Variants in CADPS observed in about 807,000 individuals in gnomAD.
The protein encoded by CADPS is calcium-dependent secretion activator 1.
Under a neutral mutation model 167.3 loss-of-function variants are expected in CADPS, and 57 were observed. The observed-to-expected ratio is 0.34, with a 90% confidence interval of 0.28 to 0.42. CADPS has a LOEUF of 0.42. CADPS is among the 20% of genes least tolerant of loss of function. CADPS has a pLI of 1.00. For missense variants in CADPS, 1,414 were observed against 1,738.1 expected (o/e 0.81, Z 3.32); for synonymous variants, 676 against 635.3 (o/e 1.06, Z -0.96).
In CADPS at chr3:62,421,848, G is replaced by A. The variant is rs573683877; in HGVS notation, c.3777+16256C>T. Reference sequence around the variant, plus strand: ...TTTGTGCTGGACTGTTAGGCTGCATGTCTCAAGTTATAAAAAGAAAAGCCG... The same window carrying A: ...TTTGTGCTGGACTGTTAGGCTGCATATCTCAAGTTATAAAAAGAAAAGCCG... On this transcript the variant is annotated intron_variant, in intron 28 of 29. Coordinates refer to ENST00000383710, the MANE Select transcript of CADPS (RefSeq NM_003716.4). This position sits in a 1 kb window ranked among gnomAD's most constrained non-coding sequence, Gnocchi z 4.7. Among the ~76,000 whole-genome samples the A allele has an allele frequency of 2.6e-5, 4 of 152,188 alleles. No homozygotes were observed. The highest frequency in any genetic ancestry group is 1.5e-5 in the Non-Finnish European group (1 of 68,040).
chr3:62,437,681 A>C (rs1222368364), intron 28 of CADPS, among the ~76,000 whole-genome samples: 1 of 152,206 alleles, frequency 6.6e-6, no homozygotes, highest in African/African-American at 2.4e-5. Flanking sequence ...GCACATCTGC[A>C]CACCACAGCT....
chr3:62,532,240 A>G (rs1296193694), intron 13 of CADPS, among the ~76,000 whole-genome samples: 15 of 152,118 alleles, frequency 9.9e-5, no homozygotes, highest in Non-Finnish European at 1.5e-5. Context: ...CCATCTTGCC[A>G]TTCCATCTGA....
chr3:62,730,861 T>A (rs893862294), intron 3 of CADPS, among the ~76,000 whole-genome samples: 1 of 152,234 alleles, frequency 6.6e-6, no homozygotes, highest in Non-Finnish European at 1.5e-5. Flanking sequence ...GAATTTGGCA[T>A]ATGTATGAGA....
At chr3:62,858,600 C>CA (rs1425302947) in intron 1 of CADPS, among the ~76,000 whole-genome samples, 6 of 152,010 alleles carry the variant, frequency 3.9e-5, no homozygotes, top group Non-Finnish European at 7.4e-5. Flanking sequence ...ATTAGGTAAC[C>CA]AATTGTGTCT....
intron 7 of CADPS, among the ~76,000 whole-genome samples, chr3:62,591,386 T>G (rs1194761107): frequency 1.3e-5 from 2 of 152,184 alleles, no homozygotes; most frequent in African/African-American, 2.4e-5. Flanking sequence ...GAAAGGACTC[T>G]CCAAGGAGGT....
At chr3:62,812,616 T>C (rs1356223966) in intron 1 of CADPS, among the ~76,000 whole-genome samples, 1 of 152,172 alleles carries the variant, frequency 6.6e-6, no homozygotes, top group Non-Finnish European at 1.5e-5. Context: ...TCAGGCAACA[T>C]GTGCTGTCTA....
At chr3:62,632,260 G>A (rs927228016) in intron 6 of CADPS, among the ~76,000 whole-genome samples, 1 of 152,018 alleles carries the variant, frequency 6.6e-6, no homozygotes, top group African/African-American at 2.4e-5. Flanking sequence ...CTGGATATAG[G>A]GATCATGAGT....
At chr3:62,442,241 C>T (rs1230554924) in intron 27 of CADPS, among the ~76,000 whole-genome samples, 5 of 132,678 alleles carry the variant, frequency 3.8e-5, no homozygotes, top group South Asian at 2.3e-4. Context: ...GATGGAGTTT[C>T]GCTCTTGTTG....
intron 28 of CADPS, among the ~76,000 whole-genome samples, chr3:62,423,754 A>G (rs1560183130): frequency 6.6e-6 from 1 of 152,212 alleles, no homozygotes; most frequent in Non-Finnish European, 1.5e-5. Context: ...CATAGTGCCC[A>G]GTGAATATTG....
chr3:62,852,167 T>C (rs1053501539), intron 1 of CADPS, among the ~76,000 whole-genome samples: 21 of 150,278 alleles, frequency 1.4e-4, no homozygotes, highest in Non-Finnish European at 2.7e-4. Context: ...ATTCTAGTTA[T>C]ACATTCTTCT....
At chr3:62,730,361 A>C (rs1414977592) in intron 3 of CADPS, among the ~76,000 whole-genome samples, 1 of 152,164 alleles carries the variant, frequency 6.6e-6, no homozygotes. Context: ...GCTGCCAAAC[A>C]TCCTACAATG....
intron 1 of CADPS, among the ~76,000 whole-genome samples, chr3:62,822,553 C>T (rs1331978073): frequency 6.6e-6 from 1 of 152,006 alleles, no homozygotes; most frequent in African/African-American, 2.4e-5. Flanking sequence ...CATTAAGAGA[C>T]AAGGTCAGCC....
chr3:62,541,811 A>G (rs997285437), intron 11 of CADPS, among the ~76,000 whole-genome samples: 1 of 152,046 alleles, frequency 6.6e-6, no homozygotes, highest in Non-Finnish European at 1.5e-5. Context: ...CTCCCTCACA[A>G]ATGAAAACCA....
chr3:62,816,890 G>A (rs896903918), intron 1 of CADPS, among the ~76,000 whole-genome samples: 1 of 152,140 alleles, frequency 6.6e-6, no homozygotes, highest in African/African-American at 2.4e-5. Flanking sequence ...AAGCTACGCT[G>A]AAGCCCAGGT....
In CADPS at chr3:62,458,023, ATACC is replaced by A. The variant is rs2058903946; in HGVS notation, c.3636+7340_3636+7343del. Among the ~76,000 whole-genome samples, 1 of 152,220 alleles carries A rather than the reference ATACC, an allele frequency of 6.6e-6. No individual in the cohort carries two copies. ...TGCAGCAAACCACCATGGCACATGT[ATACC>A]TATGTAACAAACCCGCACATTCTGC... On this transcript the variant is annotated intron_variant, in intron 26 of 29. Coordinates refer to ENST00000383710, the MANE Select transcript of CADPS (RefSeq NM_003716.4). This position sits in a 1 kb window ranked among gnomAD's most constrained non-coding sequence, Gnocchi z 4.6.
At chr3:62,448,067 T>G (rs1241672215) in intron 26 of CADPS, among the ~76,000 whole-genome samples, 3 of 152,154 alleles carry the variant, frequency 2.0e-5, no homozygotes, top group Non-Finnish European at 4.4e-5. Context: ...TTGCTCATGA[T>G]CACAGACAGG....
At chr3:62,759,485 G>A (rs9830865) in intron 2 of CADPS, among the ~76,000 whole-genome samples, 32,194 of 152,100 alleles carry the variant, frequency 0.21, 3,540 homozygotes, top group Middle Eastern at 0.31. Flanking sequence ...GGGATTGGAG[G>A]ATAGGAACAT....
At chr3:62,559,498 A>T (rs963476537) in intron 9 of CADPS, among the ~76,000 whole-genome samples, 4 of 144,854 alleles carry the variant, frequency 2.8e-5, no homozygotes, top group Admixed American at 6.9e-5. Flanking sequence ...CCCATGGGGA[A>T]TTTTTTTTTT....
chr3:62,570,762 G>T (rs2081141165), intron 9 of CADPS, 110 bp downstream of exon 9: 2 of 768,596 alleles, frequency 2.6e-6, no homozygotes, highest in African/African-American at 3.5e-5. Flanking sequence ...AATTCATTAA[G>T]CTAAATGCAT....
Sources: gnomAD v4.1 joint callset for allele counts (sites outside exome capture counted in the v4.1 genomes callset) on GRCh38, gnomAD v4.1.1 for gene constraint, Gnocchi (gnomAD v3.1) non-coding constraint, MANE v1.5 for transcripts, NCBI Gene and HGNC (gene_info 2026-07-23, HGNC 2026-07-21) for gene names.